Variants in GOLGA4 observed in about 807,000 individuals in gnomAD.
The protein encoded by GOLGA4 is golgin subfamily A member 4.
A neutral mutation model predicts 265.9 loss-of-function variants in GOLGA4; 169 were observed. The observed-to-expected ratio is 0.64, with a 90% CI of 0.56 to 0.72. The LOEUF (loss-of-function observed/expected upper bound fraction) is 0.72. Among genes scored for constraint, GOLGA4 ranks in the 30% least tolerant of loss-of-function variants. The probability of loss-of-function intolerance (pLI) is 0.00; values close to 1 mark genes in which losing one functional copy is unlikely to be tolerated. For missense variants in GOLGA4, 2,482 were observed against 2,483.4 expected, an observed-to-expected ratio of 1.00 and a Z score of 0.01; for synonymous variants, 923 against 855.8, an observed-to-expected ratio of 1.08 and a Z score of -1.37.
rs765203349 is a variant in GOLGA4, at chr3:37,328,992, T to C, written c.6091T>C (p.Leu2031=). ...NKAQEVEAEL[L]ESHQEETNQL... ...GGCCCAGGAGGTGGAGGCTGAACTT[T>C]TAGAAAGCCATCAAGAAGAGACAAA... Residue 2031 remains leucine, a synonymous_variant, in exon 16 of 24, where the codon TTA becomes CTA. Transcript: ENST00000361924. 3.3e-5 allele frequency: 53 copies of C among 1,608,186 alleles called. No homozygotes were observed. Among genetic ancestry groups the C allele is most frequent in the Middle Eastern group, 1.7e-4 (1 of 6,052 alleles).
intron 2 of GOLGA4, among the ~76,000 whole-genome samples, chr3:37,252,110 C>T (rs2096735530): frequency 7.5e-6 from 1 of 132,744 alleles, no homozygotes; most frequent in African/African-American, 2.9e-5. Context: ...TAACCAGCAG[C>T]TGGCATTAAA....
chr3:37,252,398 C>T (rs1393842112), intron 2 of GOLGA4, among the ~76,000 whole-genome samples: 5 of 146,804 alleles, frequency 3.4e-5, no homozygotes, highest in Admixed American at 6.9e-5. Flanking sequence ...TTTGGGTTGT[C>T]TACAGGTTTT....
Position 37,315,618 on chromosome 3 carries a change from G to T in GOLGA4, c.1413+20G>T. On this transcript the variant is annotated intron_variant, in intron 11 of 23. Coordinates refer to ENST00000361924, the MANE Select transcript of GOLGA4 (RefSeq NM_002078.5). ...ATGAAAGTAAGAATAATTCTGTAAT[G>T]AAATGGGCTACAACAAATTTGAAAT... The T allele has an allele frequency of 6.3e-7, 1 of 1,583,386 alleles. No individual in the cohort carries two copies. Among genetic ancestry groups the T allele is most frequent in the Non-Finnish European group, 8.7e-7 (1 of 1,153,176 alleles).
intron 9 of GOLGA4, among the ~76,000 whole-genome samples, chr3:37,300,696 G>A (rs2096890381): frequency 6.6e-6 from 1 of 152,004 alleles, no homozygotes; most frequent in African/African-American, 2.4e-5. Flanking sequence ...TTTTCCAAAA[G>A]TATTTTAATA....
intron 6 of GOLGA4, among the ~76,000 whole-genome samples, chr3:37,295,503 G>A (rs1433213863): frequency 6.6e-6 from 1 of 152,192 alleles, no homozygotes; most frequent in Non-Finnish European, 1.5e-5. Flanking sequence ...ATAGGCATGA[G>A]CCACCACTCC....
Position 37,296,350 on chromosome 3 carries a change from A to G in GOLGA4, c.814+131A>G. 4 of 793,886 alleles carry G rather than the reference A, an allele frequency of 5.0e-6. No individual in the cohort carries two copies. The South Asian group carries it at 7.5e-5, about 15-fold the overall frequency. 49.2% of individuals were successfully genotyped at this position (793,886 alleles called of 1,614,324 possible). A position where few individuals can be genotyped will look rare whatever the true frequency, so the allele number is the denominator to read the frequency against. On this transcript the variant is annotated intron_variant, in intron 7 of 23. Coordinates refer to ENST00000361924, the MANE Select transcript of GOLGA4 (RefSeq NM_002078.5). ...CGCTTGAGTTCAGGAGTTTGAGACCAGCCTGGGCAACATAGAGAAAACCCT... is the reference window on the plus strand; with the variant it reads ...CGCTTGAGTTCAGGAGTTTGAGACCGGCCTGGGCAACATAGAGAAAACCCT...
chr3:37,352,702 T>A (rs527780491), intron 21 of GOLGA4, among the ~76,000 whole-genome samples: 21 of 152,222 alleles, frequency 1.4e-4, no homozygotes, highest in African/African-American at 4.3e-4. Context: ...GCTAAGGGAA[T>A]GTTGTTACTG....
intron 20 of GOLGA4, among the ~76,000 whole-genome samples, chr3:37,343,994 A>G (rs1460429825): frequency 6.6e-6 from 1 of 152,244 alleles, no homozygotes; most frequent in Non-Finnish European, 1.5e-5. Context: ...TTGTGCATAT[A>G]TTAATTGGAA....
intron 10 of GOLGA4, among the ~76,000 whole-genome samples, chr3:37,303,341 C>G (rs554027941): frequency 6.6e-6 from 1 of 152,120 alleles, no homozygotes. Context: ...GAGCTTTAGC[C>G]GCCTTGCTAG....
intron 2 of GOLGA4, among the ~76,000 whole-genome samples, chr3:37,272,379 G>A (rs1440567111): frequency 1.3e-5 from 2 of 151,974 alleles, no homozygotes; most frequent in Non-Finnish European, 2.9e-5. Flanking sequence ...TCTACAAAAA[G>A]TACAAAAATT....
intron 2 of GOLGA4, among the ~76,000 whole-genome samples, chr3:37,258,472 C>T (rs2096760526): frequency 6.6e-6 from 1 of 152,008 alleles, no homozygotes; most frequent in Non-Finnish European, 1.5e-5. Context: ...GGATTACAGG[C>T]ATGTGCCACC....
At chr3:37,310,735 G>GTT (rs1036780885) in intron 10 of GOLGA4, among the ~76,000 whole-genome samples, 11 of 146,136 alleles carry the variant, frequency 7.5e-5, no homozygotes, top group East Asian at 4.0e-4. Context: ...GTGTGTGTGT[G>GTT]TTTTTTTTTT....
chr3:37,324,595 G>A lies in GOLGA4; in HGVS notation c.2709G>A (p.Lys903=), dbSNP rs765558622. The A allele has an allele frequency of 3.1e-6, 5 of 1,613,622 alleles. No individual in the cohort carries two copies. Among genetic ancestry groups the A allele is most frequent in the Middle Eastern group, 1.7e-4 (1 of 6,058 alleles). ...EDGNKEQEQT[K]QILVEKENMI... ...GTAACAAAGAACAGGAACAGACAAAGCAAATCTTGGTGGAAAAGGAAAATA... is the reference window on the plus strand; with the variant it reads ...GTAACAAAGAACAGGAACAGACAAAACAAATCTTGGTGGAAAAGGAAAATA... The change falls in exon 14 of 24, where the codon AAG becomes AAA. Residue 903 remains lysine, a synonymous_variant. Transcript: ENST00000361924.
At position 37,299,000 on chromosome 3, in the gene GOLGA4, C is replaced by A; in HGVS notation, c.982C>A (p.Gln328Lys). The A allele has an allele frequency of 5.0e-6, 8 of 1,591,904 alleles. No individual in the cohort carries two copies. Among genetic ancestry groups the A allele is most frequent in the Non-Finnish European group, 6.8e-6 (8 of 1,173,906 alleles). Reference protein sequence around the residue: ...ALQEQLDERLQELEKIKDLHM... With the variant: ...ALQEQLDERLKELEKIKDLHM... ...GCAAGAACAACTGGATGAAAGACTTCAAGAACTAGAAAAGATAAAGGTAAA... is the reference window on the plus strand; with the variant it reads ...GCAAGAACAACTGGATGAAAGACTTAAAGAACTAGAAAAGATAAAGGTAAA... The change falls in exon 8 of 24, where the codon CAA becomes AAA. Residue 328 changes from glutamine to lysine, a missense_variant. By Grantham distance (53) the Gln-to-Lys change is moderately conservative. This residue lies in a region of GOLGA4 where 1,536 missense variants were observed against 1,483.7 expected (regional missense o/e 1.04). Coordinates refer to ENST00000361924, the MANE Select transcript of GOLGA4 (RefSeq NM_002078.5).
intron 10 of GOLGA4, among the ~76,000 whole-genome samples, chr3:37,314,418 A>T (rs2096931376): frequency 6.6e-6 from 1 of 151,946 alleles, no homozygotes; most frequent in Admixed American, 6.6e-5. Flanking sequence ...AGGTGGGTGG[A>T]TCACTTGAGG....
At chr3:37,363,411 A>G (rs1449344634) in intron 23 of GOLGA4, among the ~76,000 whole-genome samples, 1 of 152,194 alleles carries the variant, frequency 6.6e-6, no homozygotes, top group East Asian at 1.9e-4. Flanking sequence ...TAATTGATTA[A>G]TTGATTGTCT....
chr3:37,283,594 T>C (rs1007183955), intron 3 of GOLGA4, among the ~76,000 whole-genome samples: 2 of 152,088 alleles, frequency 1.3e-5, no homozygotes, highest in African/African-American at 4.8e-5. Flanking sequence ...ACATGGCTCA[T>C]TGGAGCTTCA....
chr3:37,313,352 A>G (rs1024075122), intron 10 of GOLGA4: 3 of 152,246 alleles, frequency 2.0e-5, no homozygotes, highest in African/African-American at 7.2e-5. Flanking sequence ...GTTTGTCTTC[A>G]AGTTTGCAAT....
At chr3:37,278,906 G>C (rs771817826) in intron 2 of GOLGA4, among the ~76,000 whole-genome samples, 4 of 150,742 alleles carry the variant, frequency 2.7e-5, no homozygotes, top group Non-Finnish European at 5.9e-5. Context: ...TCAAACTCCT[G>C]GGCTCAAGCA....
Sources: gnomAD v4.1 joint callset for allele counts (sites outside exome capture counted in the v4.1 genomes callset) on GRCh38, gnomAD v4.1.1 for gene constraint, gnomAD v4.1.1 regional missense constraint, MANE v1.5 for transcripts, NCBI Gene and HGNC (gene_info 2026-07-23, HGNC 2026-07-21) for gene names.